The following CCDC127 variants were observed in gnomAD, a reference collection of about 807,000 sequenced individuals.
CCDC127 encodes coiled-coil domain containing 127.
Under a neutral mutation model 4.1 loss-of-function variants are expected in CCDC127, and 2 were observed. That is an observed-to-expected ratio of 0.49 (90% CI 0.20 to 1.53). CCDC127 has a LOEUF of 1.53. Ranked by LOEUF, CCDC127 falls within the 40% of genes most tolerant of loss-of-function variation. The pLI, the probability that CCDC127 is intolerant of heterozygous loss-of-function variation, is 0.23. For missense variants in CCDC127, 271 were observed against 322.9 expected (o/e 0.84, Z 1.23); for synonymous variants, 98 against 120.4 (o/e 0.81, Z 1.22).
At position 197,129 on chromosome 5, in the gene CCDC127, A is replaced by G. The variant is rs528695774; in HGVS notation, c.*8168T>C. 3.9e-4 allele frequency: 60 copies of G among 152,174 alleles called. No homozygotes were observed. Among genetic ancestry groups the G allele is most frequent in the African/African-American group, 1.4e-3 (57 of 41,510 alleles). 9.4% of individuals were successfully genotyped at this position (152,174 alleles called of 1,614,324 possible). On this transcript the variant is annotated 3_prime_UTR_variant, in exon 3 of 3. Transcript: ENST00000296824. ...CCAGATTTATGTTTCTCTCCACCCAAACATCTCAGCAGAGTAAAGAATAAC... is the reference window on the plus strand; with the variant it reads ...CCAGATTTATGTTTCTCTCCACCCAGACATCTCAGCAGAGTAAAGAATAAC...
At position 199,433 on chromosome 5, in the gene CCDC127, T is replaced by A. The variant is rs1560972420; in HGVS notation, c.*5864A>T. 1 of 153,048 alleles carries A rather than the reference T, an allele frequency of 6.5e-6. No individual in the cohort carries two copies. The highest frequency in any genetic ancestry group is 1.5e-5 in the Non-Finnish European group (1 of 68,704). The allele number at this position is 153,048 out of a possible 1,614,324, so 9.5% of individuals were successfully genotyped here. On this transcript the variant is annotated 3_prime_UTR_variant, in exon 3 of 3. Coordinates refer to ENST00000296824, the MANE Select transcript of CCDC127 (RefSeq NM_145265.3). ...GCTCTCCTGCTCTTCCTCTTCTGAG[T>A]TGAGCAAGGCTCCATCATCTGCTGC...
At chr5:210,442 C>T (rs938409826) in intron 2 of CCDC127, among the ~76,000 whole-genome samples, 14 of 142,188 alleles carry the variant, frequency 9.8e-5, no homozygotes, top group Non-Finnish European at 1.5e-4. Flanking sequence ...CAAAACTCAA[C>T]ATTAAAAAAC....
intron 1 of CCDC127, among the ~76,000 whole-genome samples, chr5:217,507 TA>T (rs1734436895): frequency 6.6e-6 from 1 of 152,144 alleles, no homozygotes; most frequent in African/African-American, 2.4e-5. Context: ...ATCAACTCGA[TA>T]AAAGTGGGCT....
rs1233477139 is a variant in CCDC127, at chr5:201,194, A to T, written c.*4103T>A. On this transcript the variant is annotated 3_prime_UTR_variant, in exon 3 of 3. Coordinates refer to ENST00000296824, the MANE Select transcript of CCDC127 (RefSeq NM_145265.3). ...GAACAAGACACCTCGAGGAGGAAGC[A>T]GCTGCCACTCATGGCTGCACACACT... The T allele has an allele frequency of 6.6e-6, 1 of 152,300 alleles. No homozygotes were observed. Among genetic ancestry groups the T allele is most frequent in the East Asian group, 1.9e-4 (1 of 5,202 alleles). The allele number at this position is 152,300 out of a possible 1,614,324, so 9.4% of individuals were successfully genotyped here.
intron 2 of CCDC127, chr5:215,363 GAA>G (rs1038588266): frequency 6.6e-6 from 1 of 152,286 alleles, no homozygotes; most frequent in Non-Finnish European, 1.5e-5. Flanking sequence ...TTTCAAAAGT[GAA>G]AGTTATCATG....
Position 197,116 on chromosome 5 carries a change from T to G in CCDC127, c.*8181A>C, listed in dbSNP as rs1733969054. On this transcript the variant is annotated 3_prime_UTR_variant, in exon 3 of 3. Transcript: ENST00000296824. ...ACGTGCACGTAGGCCAGATTTATGTTTCTCTCCACCCAAACATCTCAGCAG... is the reference window on the plus strand; with the variant it reads ...ACGTGCACGTAGGCCAGATTTATGTGTCTCTCCACCCAAACATCTCAGCAG... 6.6e-6 allele frequency: 1 copy of G among 152,076 alleles called. No homozygotes were observed. Among genetic ancestry groups the G allele is most frequent in the African/African-American group, 2.4e-5 (1 of 41,384 alleles). 9.4% of individuals were successfully genotyped at this position (152,076 alleles called of 1,614,324 possible). A position where few individuals can be genotyped will look rare whatever the true frequency, so the allele number is the denominator to read the frequency against.
In CCDC127 at chr5:199,113, C is replaced by T. The variant is rs1734022535; in HGVS notation, c.*6184G>A. ...CTTGGGTCTTCCACAGCAGCATGGG[C>T]TGGTGCAGCTCCTTCAGAACATGGC... On this transcript the variant is annotated 3_prime_UTR_variant, in exon 3 of 3. Coordinates refer to ENST00000296824, the MANE Select transcript of CCDC127 (RefSeq NM_145265.3). 2 of 152,452 alleles carry T rather than the reference C, an allele frequency of 1.3e-5. No homozygotes were observed. Among genetic ancestry groups the T allele is most frequent in the South Asian group, 4.1e-4 (2 of 4,842 alleles). The allele number at this position is 152,452 out of a possible 1,614,324, so 9.4% of individuals were successfully genotyped here. A position where few individuals can be genotyped will look rare whatever the true frequency, so the allele number is the denominator to read the frequency against.
intron 2 of CCDC127, among the ~76,000 whole-genome samples, chr5:209,853 T>A (rs1034995790): frequency 6.6e-6 from 1 of 152,088 alleles, no homozygotes; most frequent in Admixed American, 6.6e-5. Flanking sequence ...ACTAAGCTGA[T>A]GAAGAAAAAT....
Position 205,315 on chromosome 5 carries a change from T to G in CCDC127, c.765A>C (p.Glu255Asp), listed in dbSNP as rs763066783. 18 of 1,607,348 alleles carry G rather than the reference T, an allele frequency of 1.1e-5. No individual in the cohort carries two copies. In the South Asian group the frequency reaches 2.0e-4, roughly 18 times the overall value. Residue 255 changes from glutamate (E) to aspartate (D), a missense_variant, in exon 3 of 3, where the codon GAA becomes GAC. Coordinates refer to ENST00000296824, the MANE Select transcript of CCDC127 (RefSeq NM_145265.3). ...TCTTGTCTTACTTTTCTAGTATGGC[T>G]TCCTCTACTCTCTTAAACTTCTTCA... The part of the protein sequence containing the change: ...VELKKFKRVE[E>D]AILEK
intron 2 of CCDC127, among the ~76,000 whole-genome samples, chr5:207,319 C>T (rs929867478): frequency 2.6e-5 from 4 of 152,210 alleles, no homozygotes; most frequent in Admixed American, 6.5e-5. Flanking sequence ...CTCAAACTCA[C>T]GTCACCTTTA....
At position 200,459 on chromosome 5, in the gene CCDC127, G is replaced by A; in HGVS notation, c.*4838C>T. ...CAGGGGGCAGGCTCAGGAGCTGTGG[G>A]AACCGCCCTGTCCCACCGTGTGGCC... is the stretch of plus-strand genomic sequence containing the variant. On this transcript the variant is annotated 3_prime_UTR_variant, in exon 3 of 3. Coordinates refer to ENST00000296824, the MANE Select transcript of CCDC127 (RefSeq NM_145265.3). 1 of 152,496 alleles carries A rather than the reference G, an allele frequency of 6.6e-6. No homozygotes were observed. Among genetic ancestry groups the A allele is most frequent in the South Asian group, 2.1e-4 (1 of 4,836 alleles). 9.4% of individuals were successfully genotyped at this position (152,496 alleles called of 1,614,324 possible). A position where few individuals can be genotyped will look rare whatever the true frequency, so the allele number is the denominator to read the frequency against.
intron 2 of CCDC127, among the ~76,000 whole-genome samples, chr5:208,304 C>A (rs1734217360): frequency 6.6e-6 from 1 of 152,198 alleles, no homozygotes; most frequent in South Asian, 2.1e-4. Context: ...TCTAGATTTT[C>A]ATTTTGCCTC....
rs921769700 is a variant in CCDC127 at position 204,330 on chromosome 5, T to C, written c.*967A>G. 1 of 152,250 alleles carries C rather than the reference T, an allele frequency of 6.6e-6. No individual in the cohort carries two copies. Among genetic ancestry groups the C allele is most frequent in the African/African-American group, 2.4e-5 (1 of 41,438 alleles). The allele number at this position is 152,250 out of a possible 1,614,324, so 9.4% of individuals were successfully genotyped here. A position where few individuals can be genotyped will look rare whatever the true frequency, so the allele number is the denominator to read the frequency against. ...CTTGGGGCACCTCCGCAAAGCGTAA[T>C]AGTAATACTCACTTCACAGGATTCG... is the stretch of plus-strand genomic sequence containing the variant. On this transcript the variant is annotated 3_prime_UTR_variant, in exon 3 of 3. Coordinates refer to ENST00000296824, the MANE Select transcript of CCDC127 (RefSeq NM_145265.3).
Position 199,059 on chromosome 5 carries a change from C to T in CCDC127, c.*6238G>A, listed in dbSNP as rs112373517. The T allele has an allele frequency of 2.6e-5, 4 of 152,344 alleles. No homozygotes were observed. Among genetic ancestry groups the T allele is most frequent in the African/African-American group, 7.2e-5 (3 of 41,438 alleles). The allele number at this position is 152,344 out of a possible 1,614,324, so 9.4% of individuals were successfully genotyped here. On this transcript the variant is annotated 3_prime_UTR_variant, in exon 3 of 3. Coordinates refer to ENST00000296824, the MANE Select transcript of CCDC127 (RefSeq NM_145265.3). ...ATGTGAGCAGGGTCCCAATGGGGGC[C>T]GCCATCTGGAGCCACCGTCTTTGCC...
intron 2 of CCDC127, among the ~76,000 whole-genome samples, chr5:209,149 T>A (rs56335854): frequency 1.5e-5 from 2 of 131,344 alleles, no homozygotes; most frequent in African/African-American, 5.8e-5. Context: ...CCACAACACA[T>A]AGGACTCCCC....
rs369285085 is a variant in CCDC127 at position 205,483 on chromosome 5, G to A, written c.597C>T (p.Val199=). Reference sequence around the variant, plus strand: ...CGGCTGCCATCTCTAGGTCAGCGGCGACGGGGTCGACGGACGCTCGCACCA... The same window carrying A: ...CGGCTGCCATCTCTAGGTCAGCGGCAACGGGGTCGACGGACGCTCGCACCA... ...SLLVRASVDP[V]AADLEMAAGL... The change falls in exon 3 of 3, where the codon GTC becomes GTT. Residue 199 remains valine (V), a synonymous_variant. Transcript: ENST00000296824. The A allele has an allele frequency of 3.7e-6, 6 of 1,613,902 alleles. No homozygotes were observed. The African/African-American group carries it at 4.0e-5, about 11-fold the overall frequency.
At chr5:217,520 A>T (rs1734437418) in intron 1 of CCDC127, among the ~76,000 whole-genome samples, 1 of 152,196 alleles carries the variant, frequency 6.6e-6, no homozygotes, top group Non-Finnish European at 1.5e-5. Flanking sequence ...AAGTGGGCTC[A>T]CACCGGACAC....
rs1013244732 is a variant in CCDC127 at position 204,151 on chromosome 5, T to C, written c.*1146A>G. The C allele has an allele frequency of 6.6e-6, 1 of 152,394 alleles. No homozygotes were observed. The highest frequency in any genetic ancestry group is 2.1e-4 in the South Asian group (1 of 4,826). The allele number at this position is 152,394 out of a possible 1,614,324, so 9.4% of individuals were successfully genotyped here. On this transcript the variant is annotated 3_prime_UTR_variant, in exon 3 of 3. Transcript: ENST00000296824. Reference sequence around the variant, plus strand: ...TCTTAATAGTTAGGTGTGTCCTGTATGACTCCAGGGAGTGGATCCTGGGGT... The same window carrying C: ...TCTTAATAGTTAGGTGTGTCCTGTACGACTCCAGGGAGTGGATCCTGGGGT...
At chr5:211,297 A>G (rs1734282297) in intron 2 of CCDC127, among the ~76,000 whole-genome samples, 1 of 102,164 alleles carries the variant, frequency 9.8e-6, no homozygotes, top group Non-Finnish European at 2.0e-5. Flanking sequence ...CTGATGCTCG[A>G]CATCGCACAC....
Sources: allele counts gnomAD v4.1 joint callset (sites outside exome capture counted in the v4.1 genomes callset), GRCh38; gene constraint gnomAD v4.1.1; transcripts MANE v1.5; gene names NCBI Gene and HGNC (gene_info 2026-07-23, HGNC 2026-07-21).